The following DNAH11 variants were observed in gnomAD, a reference collection of about 807,000 sequenced individuals.
DNAH11 encodes the protein axonemal beta dynein heavy chain 11.
DNAH11 carries 442 observed loss-of-function variants against 526.0 expected under a neutral mutation model. That is an observed-to-expected ratio of 0.84 (90% CI 0.78 to 0.91). The LOEUF (loss-of-function observed/expected upper bound fraction) is 0.91. Ranked by LOEUF, DNAH11 falls within the 40% of genes least tolerant of loss-of-function variation. The probability of loss-of-function intolerance (pLI) is 0.00; values close to 1 mark genes in which losing one functional copy is unlikely to be tolerated. For missense variants in DNAH11, 6,989 were observed against 5,448.7 expected (o/e 1.28, Z -8.90); for synonymous variants, 2,461 against 1,935.9 (o/e 1.27, Z -7.12).
chr7:21,724,291 C>T (rs1039094302), intron 44 of DNAH11, among the ~76,000 whole-genome samples: 3 of 152,140 alleles, frequency 2.0e-5, no homozygotes, highest in Non-Finnish European at 4.4e-5. Context: ...TTAAATGAAC[C>T]TAAAGTCATA....
intron 55 of DNAH11, among the ~76,000 whole-genome samples, chr7:21,772,072 A>T (rs1787460377): frequency 6.6e-6 from 1 of 152,206 alleles, no homozygotes; most frequent in East Asian, 1.9e-4. Context: ...TTCTGGAACG[A>T]TTAGAGTTTT....
rs1583639797 is a variant in DNAH11 at position 21,733,062 on chromosome 7, T to A, written c.7441-2578T>A. Among the ~76,000 whole-genome samples the A allele has an allele frequency of 2.6e-5, 4 of 152,030 alleles. No homozygotes were observed. The South Asian group carries it at 8.3e-4, about 32-fold the overall frequency. ...GGCTATGTGGGGGAGGGGTGGGGAC[T>A]TGGACAAAGTGGGGGCTCTCCCAGC... On this transcript the variant is annotated intron_variant, in intron 45 of 81. Coordinates refer to ENST00000409508, the MANE Select transcript of DNAH11 (RefSeq NM_001277115.2).
In DNAH11 at chr7:21,543,387, A is replaced by G; in HGVS notation, c.142A>G (p.Arg48Gly). Residue 48 changes from arginine to glycine, a missense_variant, in exon 1 of 82, where the codon AGG (arginine) becomes GGG (glycine). Transcript: ENST00000409508. ...EEENEEEAAA[R>G]RARSFAQDAR... is the part of the protein sequence containing the mutation. ...GGAGAACGAGGAGGAGGCGGCGGCC[A>G]GGAGAGCGCGGAGTTTCGCCCAAGA... 1 of 1,552,242 alleles carries G rather than the reference A, an allele frequency of 6.4e-7. No homozygotes were observed. The highest frequency in any genetic ancestry group is 8.7e-7 in the Non-Finnish European group (1 of 1,147,208).
intron 9 of DNAH11, among the ~76,000 whole-genome samples, chr7:21,584,507 G>A (rs941032371): frequency 1.3e-5 from 2 of 152,078 alleles, no homozygotes; most frequent in African/African-American, 4.8e-5. Flanking sequence ...CAGCAAACCA[G>A]CATGGCACAT....
chr7:21,843,606 G>A lies in DNAH11; in HGVS notation c.10896+858G>A, dbSNP rs923685849. On this transcript the variant is annotated intron_variant, in intron 66 of 81. Transcript: ENST00000409508. ...AGCGATTCTTCTGCCTCAGCTTCCC[G>A]AGTAGCTGGGACTACAGGCATGCAC... Among the ~76,000 whole-genome samples the A allele has an allele frequency of 4.6e-5, 7 of 151,012 alleles. 1 individual carries two copies. Among genetic ancestry groups the A allele is most frequent in the African/African-American group, 1.2e-4 (5 of 41,098 alleles).
At chr7:21,795,453 C>T (rs10950875) in intron 61 of DNAH11, among the ~76,000 whole-genome samples, 56,245 of 151,986 alleles carry the variant, frequency 0.37, 11,001 homozygotes, top group East Asian at 0.73. Flanking sequence ...CATCAGTGTA[C>T]ACCTCATCCT....
At chr7:21,741,043 C>G (rs538459603) in intron 48 of DNAH11, among the ~76,000 whole-genome samples, 49 of 152,210 alleles carry the variant, frequency 3.2e-4, no homozygotes, top group Non-Finnish European at 5.1e-4. Flanking sequence ...CTATTCAAGT[C>G]TTGTGCTTAT....
chr7:21,598,619 AAAT>A (rs1784955820), intron 14 of DNAH11, among the ~76,000 whole-genome samples: 1 of 130,186 alleles, frequency 7.7e-6, no homozygotes, highest in African/African-American at 2.8e-5. Context: ...ATAAATAAAT[AAAT>A]AAATTGTGCT....
At chr7:21,848,269 A>G (rs1240432440) in intron 66 of DNAH11, among the ~76,000 whole-genome samples, 1 of 151,502 alleles carries the variant, frequency 6.6e-6, no homozygotes, top group Non-Finnish European at 1.5e-5. Flanking sequence ...TCTGATAACT[A>G]CTTTGTCTTA....
intron 68 of DNAH11, among the ~76,000 whole-genome samples, chr7:21,855,139 C>T (rs1408732643): frequency 3.3e-5 from 5 of 150,020 alleles, no homozygotes; most frequent in Non-Finnish European, 7.4e-5. Context: ...TCACTCCATT[C>T]TCCTGCCTCA....
chr7:21,580,537 A>G (rs1431709011), intron 8 of DNAH11, among the ~76,000 whole-genome samples: 1 of 152,226 alleles, frequency 6.6e-6, no homozygotes, highest in African/African-American at 2.4e-5. Flanking sequence ...GCTTATAAAC[A>G]ACAGAAATTT....
At chr7:21,643,415 A>C (rs1460178340) in intron 28 of DNAH11, among the ~76,000 whole-genome samples, 4 of 152,162 alleles carry the variant, frequency 2.6e-5, no homozygotes. Context: ...TCTATGAAAC[A>C]TTTAACTTCT....
intron 21 of DNAH11, 25 bp downstream of exon 21, chr7:21,615,297 GC>G: frequency 1.9e-6 from 3 of 1,603,924 alleles, no homozygotes; most frequent in Non-Finnish European, 1.7e-6. Context: ...TTCAAAACAT[GC>G]TTTTTATTTA....
chr7:21,788,516 G>A (rs1194186928), intron 60 of DNAH11, among the ~76,000 whole-genome samples: 1 of 151,924 alleles, frequency 6.6e-6, no homozygotes, highest in Non-Finnish European at 1.5e-5. Flanking sequence ...GACTGTGGCT[G>A]CATTCTGTGT....
chr7:21,875,798 G>GCTAT (rs1783682822), intron 74 of DNAH11, among the ~76,000 whole-genome samples: 1 of 151,340 alleles, frequency 6.6e-6, no homozygotes, highest in East Asian at 1.9e-4. Context: ...TCTTTTGACT[G>GCTAT]CTATCTGGAA....
Position 21,658,854 on chromosome 7 carries a change from T to A in DNAH11, c.5151T>A (p.Ser1717=). 2.5e-6 allele frequency: 4 copies of A among 1,606,034 alleles called. No homozygotes were observed. Among genetic ancestry groups the A allele is most frequent in the Non-Finnish European group, 3.4e-6 (4 of 1,176,276 alleles). Residue 1717 remains serine (S), a synonymous_variant, in exon 30 of 82, where the codon TCT becomes TCA. Coordinates refer to ENST00000409508, the MANE Select transcript of DNAH11 (RefSeq NM_001277115.2). ...EQTMQETVRH[S]ITEAIVAYEE... is the part of the protein sequence containing the mutation. The stretch of plus-strand genomic sequence containing the variant: ...CTATGCAAGAAACGGTGCGTCATTC[T>A]ATAACAGAAGCCATAGTGGCCTACG...
chr7:21,667,676 C>G (rs1414380215), intron 30 of DNAH11, among the ~76,000 whole-genome samples: 2 of 152,032 alleles, frequency 1.3e-5, no homozygotes, highest in Non-Finnish European at 2.9e-5. Context: ...ACCAATAATA[C>G]TGACAAATTT....
chr7:21,845,295 CAGTT>C (rs1393311259), intron 66 of DNAH11, among the ~76,000 whole-genome samples: 1 of 152,070 alleles, frequency 6.6e-6, no homozygotes, highest in African/African-American at 2.4e-5. Flanking sequence ...CATTAACTGA[CAGTT>C]CGTGAAGATT....
intron 25 of DNAH11, among the ~76,000 whole-genome samples, chr7:21,623,110 A>C (rs530004303): frequency 0.031 from 4,642 of 152,074 alleles, 237 homozygotes; most frequent in African/African-American, 0.11. Context: ...ATGAACTCAA[A>C]CAAATTTACA....
Sources: gnomAD v4.1 joint callset for allele counts (sites outside exome capture counted in the v4.1 genomes callset) on GRCh38, gnomAD v4.1.1 for gene constraint, MANE v1.5 for transcripts, NCBI Gene and HGNC (gene_info 2026-07-23, HGNC 2026-07-21) for gene names.